Variants in ITSN1 observed in about 807,000 individuals in gnomAD.
The protein encoded by ITSN1 is intersectin-1.
A neutral mutation model predicts 239.8 loss-of-function variants in ITSN1; 58 were observed. That is an observed-to-expected ratio of 0.24 (90% confidence interval 0.20 to 0.30). The LOEUF is 0.30. ITSN1 is among the 10% of genes least tolerant of loss of function. ITSN1 has a pLI of 1.00. For synonymous variants in ITSN1, 780 were observed against 770.8 expected (o/e 1.01, Z -0.20); for missense variants, 1,558 against 2,103.3 (o/e 0.74, Z 5.07).
At chr21:33,758,060 A>C (rs566458877) in intron 8 of ITSN1, among the ~76,000 whole-genome samples, 1 of 152,080 alleles carries the variant, frequency 6.6e-6, no homozygotes, top group Admixed American at 6.6e-5. Context: ...TTTTTAAAAA[A>C]GTTTTCTTTA....
chr21:33,696,796 A>G (rs886263665), intron 1 of ITSN1, among the ~76,000 whole-genome samples: 2 of 152,134 alleles, frequency 1.3e-5, no homozygotes, highest in Admixed American at 6.5e-5. Context: ...CTGAAGGGCC[A>G]TATCTCTCAA....
At chr21:33,848,417 A>C (rs2075050902) in intron 29 of ITSN1, among the ~76,000 whole-genome samples, 1 of 152,162 alleles carries the variant, frequency 6.6e-6, no homozygotes, top group Admixed American at 6.5e-5. Context: ...TAGAACCATG[A>C]GGAAGTATAT....
chr21:33,676,182 C>A (rs184273496), intron 1 of ITSN1, among the ~76,000 whole-genome samples: 5 of 152,068 alleles, frequency 3.3e-5, no homozygotes, highest in African/African-American at 1.2e-4. Context: ...GGGGTTTCAC[C>A]ACGTTGGTCA....
rs1269880681 is a variant in ITSN1 at position 33,883,559 on chromosome 21, C to T, written c.4564C>T (p.Leu1522=). 6.2e-7 allele frequency: 1 copy of T among 1,613,520 alleles called. No individual in the cohort carries two copies. Among genetic ancestry groups the T allele is most frequent in the South Asian group, 1.1e-5 (1 of 91,070 alleles). ...GTGTGTTACTTTCCAGCCTATTTTC[C>T]TAAATGAGGTTCTAGTAAAATTACC... ...QYKMYKTPIF[L]NEVLVKLPTD... The change falls in exon 36 of 40, where the codon CTA becomes TTA. Residue 1522 remains leucine (L), a synonymous_variant. Coordinates refer to ENST00000381318, the MANE Select transcript of ITSN1 (RefSeq NM_003024.3).
intron 1 of ITSN1, among the ~76,000 whole-genome samples, chr21:33,707,760 T>C (rs563803468): frequency 6.6e-6 from 1 of 152,378 alleles, no homozygotes; most frequent in African/African-American, 2.4e-5. Flanking sequence ...TAGCATTTCA[T>C]TGGATGGATA....
At chr21:33,700,321 G>C (rs1744246402) in intron 1 of ITSN1, among the ~76,000 whole-genome samples, 1 of 152,126 alleles carries the variant, frequency 6.6e-6, no homozygotes, top group South Asian at 2.1e-4. Context: ...CTAACCTCAG[G>C]TGATCCACCT....
intron 5 of ITSN1, among the ~76,000 whole-genome samples, chr21:33,747,391 G>A (rs1601976483): frequency 6.6e-6 from 1 of 152,136 alleles, no homozygotes; most frequent in East Asian, 1.9e-4. Context: ...CTTAGAAGGA[G>A]GATCATGAGA....
intron 5 of ITSN1, among the ~76,000 whole-genome samples, chr21:33,738,098 G>A (rs1395608164): frequency 6.6e-6 from 1 of 151,928 alleles, no homozygotes; most frequent in Non-Finnish European, 1.5e-5. Flanking sequence ...CAAGGGGATG[G>A]CTTGAGCCCA....
Position 33,882,322 on chromosome 21 carries a change from G to C in ITSN1, c.4421G>C (p.Ser1474Thr). ...AGTGGGAAGCTCTACAAGGCCAAGA[G>C]CAACAAGGAGCTGTATGGCTTCCTT... ...LHSGKLYKAK[S>T]NKELYGFLFN... The change falls in exon 35 of 40, where the codon AGC becomes ACC. Residue 1474 changes from serine to threonine, a missense_variant. Around this residue, in one of 2 missense-constraint regions of ITSN1, gnomAD observed 576 missense variants for 893.3 expected, o/e 0.64. Transcript: ENST00000381318. This position sits in a 1 kb window ranked among gnomAD's most constrained non-coding sequence, Gnocchi z 4.5. 6.2e-7 allele frequency: 1 copy of C among 1,614,198 alleles called. No homozygotes were observed. The highest frequency in any genetic ancestry group is 8.5e-7 in the Non-Finnish European group (1 of 1,180,036).
At chr21:33,748,231 C>A (rs546558834) in intron 5 of ITSN1, among the ~76,000 whole-genome samples, 1 of 152,200 alleles carries the variant, frequency 6.6e-6, no homozygotes, top group African/African-American at 2.4e-5. Flanking sequence ...CCGTGAGAGG[C>A]TTGAGGCCAG....
chr21:33,657,313 C>G (rs1030499448), intron 1 of ITSN1, among the ~76,000 whole-genome samples: 18 of 152,278 alleles, frequency 1.2e-4, no homozygotes, highest in African/African-American at 4.1e-4. Flanking sequence ...CCTTTTATCT[C>G]TGATTGTCAG....
In ITSN1 at chr21:33,894,762, C is replaced by A. The variant is rs1986592491; in HGVS notation, c.*6462C>A. On this transcript the variant is annotated 3_prime_UTR_variant, in exon 40 of 40. Coordinates refer to ENST00000381318, the MANE Select transcript of ITSN1 (RefSeq NM_003024.3). ...CTCAAATCTCTTATTTCCTGCCGTT[C>A]CTGTATCTAAACAGAATGGGGGCCT... 6.6e-6 allele frequency: 1 copy of A among 152,224 alleles called. No individual in the cohort carries two copies. 9.4% of individuals were successfully genotyped at this position (152,224 alleles called of 1,614,324 possible).
chr21:33,830,845 A>G (rs2074252612), intron 27 of ITSN1, among the ~76,000 whole-genome samples: 1 of 139,846 alleles, frequency 7.2e-6, no homozygotes, highest in Non-Finnish European at 1.5e-5. Context: ...TAGAGTTAAG[A>G]TGTAAGCAAC....
chr21:33,647,264 G>T (rs904065874), intron 1 of ITSN1, among the ~76,000 whole-genome samples: 1 of 152,078 alleles, frequency 6.6e-6, no homozygotes, highest in East Asian at 1.9e-4. Flanking sequence ...TGAAATACCC[G>T]TAAGTCTACT....
chr21:33,725,904 C>A (rs2065806007), intron 4 of ITSN1, among the ~76,000 whole-genome samples: 1 of 152,236 alleles, frequency 6.6e-6, no homozygotes, highest in African/African-American at 2.4e-5. Flanking sequence ...TTAGCAAGAT[C>A]TGCCTTTCAA....
At chr21:33,740,039 A>G (rs2066747523) in intron 5 of ITSN1, among the ~76,000 whole-genome samples, 1 of 152,252 alleles carries the variant, frequency 6.6e-6, no homozygotes. Context: ...AGGACTTGTC[A>G]GTAGATTGGA....
At position 33,813,928 on chromosome 21, in the gene ITSN1, G is replaced by A. The variant is rs748351742; in HGVS notation, c.2583G>A (p.Thr861=). 11 of 1,613,392 alleles carry A rather than the reference G, an allele frequency of 6.8e-6. No individual in the cohort carries two copies. The highest frequency in any genetic ancestry group is 2.2e-5 in the East Asian group (1 of 44,834). ...TTCCCTCCAGGTGGCCCACCAGCACGAATGAGAAACCAGAAACGGATAACT... is the reference window on the plus strand; with the variant it reads ...TTCCCTCCAGGTGGCCCACCAGCACAAATGAGAAACCAGAAACGGATAACT... ...ADFSSTWPTS[T]NEKPETDNWD... The change falls in exon 22 of 40, where the codon ACG becomes ACA. Residue 861 remains threonine, a synonymous_variant. Transcript: ENST00000381318.
intron 29 of ITSN1, among the ~76,000 whole-genome samples, chr21:33,839,106 G>A (rs2074736795): frequency 6.6e-6 from 1 of 152,230 alleles, no homozygotes; most frequent in Non-Finnish European, 1.5e-5. Context: ...TATTTGGTGG[G>A]GGGGATGTCT....
intron 27 of ITSN1, among the ~76,000 whole-genome samples, chr21:33,830,683 A>AT (rs2074244696): frequency 6.6e-6 from 1 of 152,218 alleles, no homozygotes; most frequent in Admixed American, 6.5e-5. Context: ...TGTCAAGGAC[A>AT]TTTTTGGGAT....
Sources: allele counts gnomAD v4.1 joint callset (sites outside exome capture counted in the v4.1 genomes callset), GRCh38; gene constraint gnomAD v4.1.1; regional missense constraint gnomAD v4.1.1; non-coding constraint Gnocchi (gnomAD v3.1); transcripts MANE v1.5; gene names NCBI Gene and HGNC (gene_info 2026-07-23, HGNC 2026-07-21).